The following PCGF5 variants were observed in gnomAD, a reference collection of about 807,000 sequenced individuals.
PCGF5 encodes the protein polycomb group RING finger protein 5.
In PCGF5, 9 loss-of-function variants were observed where a neutral mutation model predicts 44.3. That is an observed-to-expected ratio of 0.20 (90% CI 0.12 to 0.35). The LOEUF is 0.35. Ranked by LOEUF, PCGF5 falls within the 10% of genes least tolerant of loss-of-function variation. The pLI, the probability that PCGF5 is intolerant of heterozygous loss-of-function variation, is 1.00. For missense variants in PCGF5, 146 were observed against 305.3 expected, an observed-to-expected ratio of 0.48 and a Z score of 3.89; for synonymous variants, 95 against 102.5, an observed-to-expected ratio of 0.93 and a Z score of 0.44.
At chr10:91,175,553 A>G (rs760292894) in intron 1 of PCGF5, among the ~76,000 whole-genome samples, 1 of 152,192 alleles carries the variant, frequency 6.6e-6, no homozygotes, top group Non-Finnish European at 1.5e-5. Flanking sequence ...CCCTGTGAAC[A>G]TGGAACTTGC....
chr10:91,176,317 A>G (rs917169343), intron 1 of PCGF5, among the ~76,000 whole-genome samples: 2 of 152,180 alleles, frequency 1.3e-5, no homozygotes, highest in Admixed American at 6.6e-5. Flanking sequence ...TGGGTAACCC[A>G]ACCTTTCTCT....
At chr10:91,227,147 T>C (rs2133297756) in intron 2 of PCGF5, among the ~76,000 whole-genome samples, 1 of 152,006 alleles carries the variant, frequency 6.6e-6, no homozygotes, top group East Asian at 1.9e-4. Flanking sequence ...GGGGGTAGAG[T>C]GGTAAATAAG....
At chr10:91,191,074 C>A (rs572018254) in intron 1 of PCGF5, among the ~76,000 whole-genome samples, 3 of 152,142 alleles carry the variant, frequency 2.0e-5, no homozygotes, top group Non-Finnish European at 4.4e-5. Context: ...TAGTGGGTGC[C>A]TGATACCATG....
chr10:91,247,716 G>T (rs767575792), intron 3 of PCGF5, among the ~76,000 whole-genome samples: 1 of 152,148 alleles, frequency 6.6e-6, no homozygotes, highest in African/African-American at 2.4e-5. Context: ...ATTTCAGAAG[G>T]TAGAACAATA....
At chr10:91,245,857 C>A (rs1042089735) in intron 3 of PCGF5, among the ~76,000 whole-genome samples, 1 of 152,062 alleles carries the variant, frequency 6.6e-6, no homozygotes, top group African/African-American at 2.4e-5. Context: ...GAGAAAAAAG[C>A]GTGTTGTCCA....
At chr10:91,255,286 A>G (rs1266410340) in intron 6 of PCGF5, among the ~76,000 whole-genome samples, 2 of 152,118 alleles carry the variant, frequency 1.3e-5, no homozygotes, top group Non-Finnish European at 2.9e-5. Context: ...AAAAAGCTTA[A>G]ATGGAAAAGC....
chr10:91,192,593 C>T (rs1241255888), intron 1 of PCGF5, among the ~76,000 whole-genome samples: 2 of 152,168 alleles, frequency 1.3e-5, no homozygotes, highest in Non-Finnish European at 2.9e-5. Flanking sequence ...TGCTTACCAA[C>T]CAGATAGTCT....
At chr10:91,277,391 C>T (rs1482395731) in intron 9 of PCGF5, among the ~76,000 whole-genome samples, 1 of 152,196 alleles carries the variant, frequency 6.6e-6, no homozygotes, top group Non-Finnish European at 1.5e-5. Context: ...AAAAGTAGCT[C>T]CTCAAATTTC....
chr10:91,248,943 A>G (rs1160341480), intron 5 of PCGF5, among the ~76,000 whole-genome samples: 1 of 152,116 alleles, frequency 6.6e-6, no homozygotes, highest in Admixed American at 6.6e-5. Flanking sequence ...AATAGAGGAA[A>G]TTGGACTTTG....
chr10:91,271,643 G>T lies in PCGF5; in HGVS notation c.669G>T (p.Arg223=). The T allele has an allele frequency of 6.2e-7, 1 of 1,613,682 alleles. No individual in the cohort carries two copies. Residue 223 remains arginine (R), a synonymous_variant, in exon 9 of 10, where the codon CGG becomes CGT. Coordinates refer to ENST00000336126, the MANE Select transcript of PCGF5 (RefSeq NM_032373.5). ...TRWRLRGENF[R]CLNCSASQVC... is the part of the protein sequence containing the mutation. ...TGAGTTCATCTCCTCCGCAGTTTCGGTGTCTGAACTGCTCAGCTTCGCAAG... is the reference window on the plus strand; with the variant it reads ...TGAGTTCATCTCCTCCGCAGTTTCGTTGTCTGAACTGCTCAGCTTCGCAAG...
At chr10:91,225,280 CATATATAACAT>C (rs964426154) in intron 2 of PCGF5, among the ~76,000 whole-genome samples, 41 of 145,150 alleles carry the variant, frequency 2.8e-4, no homozygotes, top group African/African-American at 7.6e-4. Flanking sequence ...CGATATATAT[CATATATAACAT>C]ATATATAACA....
chr10:91,236,248 G>A (rs1046282891), intron 2 of PCGF5, among the ~76,000 whole-genome samples: 2 of 152,186 alleles, frequency 1.3e-5, no homozygotes, highest in Admixed American at 6.5e-5. Flanking sequence ...CTGTGCAGCT[G>A]TGAGCAGCCT....
At chr10:91,226,216 C>G (rs773000629) in intron 2 of PCGF5, among the ~76,000 whole-genome samples, 2 of 127,916 alleles carry the variant, frequency 1.6e-5, no homozygotes, top group Non-Finnish European at 3.2e-5. Flanking sequence ...AATTGGTGTG[C>G]AAAACCAGAC....
At chr10:91,159,294 C>T (rs1435806167), upstream of PCGF5, among the ~76,000 whole-genome samples, 1 of 152,084 alleles carries the variant, frequency 6.6e-6, no homozygotes, top group East Asian at 1.9e-4. Flanking sequence ...ATATGCCAGG[C>T]ACCTATAACA....
chr10:91,229,219 A>G (rs1435469911), intron 2 of PCGF5, among the ~76,000 whole-genome samples: 3 of 152,224 alleles, frequency 2.0e-5, no homozygotes, highest in African/African-American at 7.2e-5. Flanking sequence ...CATTCTAGCC[A>G]CTGCAACACA....
upstream of PCGF5, among the ~76,000 whole-genome samples, chr10:91,159,449 C>T (rs996657365): frequency 1.3e-5 from 2 of 151,978 alleles, no homozygotes; most frequent in African/African-American, 4.8e-5. Flanking sequence ...GATGACTGCC[C>T]TCATAAAAGG....
At chr10:91,272,174 C>A (rs181801136) in intron 9 of PCGF5, among the ~76,000 whole-genome samples, 1 of 152,260 alleles carries the variant, frequency 6.6e-6, no homozygotes, top group Admixed American at 6.5e-5. Context: ...TGATAGTGAG[C>A]TAATTTAGTA....
At chr10:91,218,320 C>CT (rs970178102), upstream of PCGF5, among the ~76,000 whole-genome samples, 10 of 151,518 alleles carry the variant, frequency 6.6e-5, no homozygotes, top group Middle Eastern at 3.4e-3. Flanking sequence ...TTTATCCTGC[C>CT]TTTTTTTTTC....
intron 1 of PCGF5, among the ~76,000 whole-genome samples, chr10:91,188,223 C>T (rs558984231): frequency 3.3e-5 from 5 of 152,290 alleles, no homozygotes; most frequent in South Asian, 4.1e-4. Context: ...GTGGGTGCAG[C>T]GCACCATGCG....
Sources: allele counts gnomAD v4.1 joint callset (sites outside exome capture counted in the v4.1 genomes callset), GRCh38; gene constraint gnomAD v4.1.1; transcripts MANE v1.5; gene names NCBI Gene and HGNC (gene_info 2026-07-23, HGNC 2026-07-21).